The following SBF2 variants were observed in gnomAD, a reference collection of about 807,000 sequenced individuals.
The protein encoded by SBF2 is myotubularin-related protein 13.
A neutral mutation model predicts 225.2 loss-of-function variants in SBF2; 112 were observed. The observed-to-expected ratio is 0.50, with a 90% CI of 0.43 to 0.58. The LOEUF is 0.58. Ranked by LOEUF, SBF2 falls within the 20% of genes least tolerant of loss-of-function variation. The pLI, the probability that SBF2 is intolerant of heterozygous loss-of-function variation, is 0.00. For missense variants in SBF2, 1,996 were observed against 2,206.2 expected (o/e 0.90, Z 1.91); for synonymous variants, 763 against 773.3 (o/e 0.99, Z 0.22).
chr11:10,301,815 G>A (rs192688451), intron 1 of SBF2, among the ~76,000 whole-genome samples: 1 of 152,302 alleles, frequency 6.6e-6, no homozygotes, highest in Non-Finnish European at 1.5e-5. Flanking sequence ...CAATTGGAAT[G>A]TGAAGAAGTT....
intron 24 of SBF2, among the ~76,000 whole-genome samples, chr11:9,845,220 C>G (rs1429784870): frequency 1.3e-5 from 2 of 152,138 alleles, no homozygotes; most frequent in African/African-American, 4.8e-5. Flanking sequence ...AAAAGCAAAT[C>G]TGTCCACTGG....
intron 28 of SBF2, chr11:9,828,283 C>A: frequency 3.2e-6 from 4 of 1,264,062 alleles, no homozygotes; most frequent in Non-Finnish European, 4.1e-6. Flanking sequence ...ACTCAAATGA[C>A]AAAAAGTTAT....
At chr11:9,921,696 TTG>T (rs1863644480) in intron 16 of SBF2, among the ~76,000 whole-genome samples, 1 of 149,082 alleles carries the variant, frequency 6.7e-6, no homozygotes, top group African/African-American at 2.5e-5. Flanking sequence ...GGAAATATGC[TTG>T]TGTTACTTAC....
intron 9 of SBF2, among the ~76,000 whole-genome samples, chr11:9,994,243 G>A (rs1162606220): frequency 5.9e-5 from 9 of 151,564 alleles, no homozygotes; most frequent in Non-Finnish European, 7.4e-5. Context: ...GGGAGGCTGA[G>A]GCAGGCAGAT....
chr11:9,972,558 G>A (rs930070650), intron 13 of SBF2, among the ~76,000 whole-genome samples: 2 of 152,194 alleles, frequency 1.3e-5, no homozygotes, highest in African/African-American at 4.8e-5. Context: ...TCTGCTCGCT[G>A]CAACCTCTGC....
intron 2 of SBF2, among the ~76,000 whole-genome samples, chr11:10,131,242 TA>T (rs1217706310): frequency 5.9e-4 from 88 of 149,908 alleles, no homozygotes; most frequent in African/African-American, 2.1e-3. Context: ...TTTTTTTTTT[TA>T]AAGATAGGGT....
intron 16 of SBF2, among the ~76,000 whole-genome samples, chr11:9,943,314 T>C (rs1435108139): frequency 6.6e-6 from 1 of 152,152 alleles, no homozygotes; most frequent in Non-Finnish European, 1.5e-5. Context: ...TATGGCCTCA[T>C]GATAGTGAAG....
chr11:10,273,481 T>TCTAAAGGTTA (rs1189995712), intron 1 of SBF2, among the ~76,000 whole-genome samples: 2 of 152,240 alleles, frequency 1.3e-5, no homozygotes, highest in African/African-American at 4.8e-5. Context: ...AAAGAACTTA[T>TCTAAAGGTTA]TTTTCTTTTA....
intron 3 of SBF2, among the ~76,000 whole-genome samples, chr11:10,039,139 C>T (rs1234013444): frequency 6.6e-6 from 1 of 151,716 alleles, no homozygotes; most frequent in Non-Finnish European, 1.5e-5. Context: ...GGTGTATGTC[C>T]CTAAGTTCCC....
intron 2 of SBF2, among the ~76,000 whole-genome samples, chr11:10,088,650 C>T (rs11042619): frequency 0.02 from 2,997 of 152,212 alleles, 78 homozygotes; most frequent in African/African-American, 0.06. Flanking sequence ...ACAACCAGCT[C>T]TTGCTGGAAC....
intron 2 of SBF2, among the ~76,000 whole-genome samples, chr11:10,180,457 T>C (rs1956693184): frequency 1.3e-5 from 2 of 152,116 alleles, no homozygotes; most frequent in Admixed American, 1.3e-4. Flanking sequence ...TAGAGCTCTA[T>C]TGTATGTTAT....
chr11:9,831,927 G>T (rs1182687916), intron 27 of SBF2, among the ~76,000 whole-genome samples: 1 of 152,182 alleles, frequency 6.6e-6, no homozygotes, highest in Non-Finnish European at 1.5e-5. Flanking sequence ...GTTTCCATCT[G>T]TGAATACTCT....
chr11:10,210,374 G>A (rs1250451812), intron 1 of SBF2, among the ~76,000 whole-genome samples: 1 of 151,342 alleles, frequency 6.6e-6, no homozygotes, highest in Non-Finnish European at 1.5e-5. Context: ...GGAGGGAGAG[G>A]AGGAGGAGGA....
rs192280152 is a variant in SBF2 at position 10,198,964 on chromosome 11, A to G, written c.56-4977T>C. Among the ~76,000 whole-genome samples, 4 of 152,340 alleles carry G rather than the reference A, an allele frequency of 2.6e-5. No individual in the cohort carries two copies. In the East Asian group the frequency reaches 5.8e-4, roughly 22 times the overall value. ...CATCTATCCAAACCACTCAGACTCC[A>G]TATCAGTAATAATGCTGTCTCATTT... On this transcript the variant is annotated intron_variant, in intron 1 of 39. Coordinates refer to ENST00000256190, the MANE Select transcript of SBF2 (RefSeq NM_030962.4).
At chr11:10,033,212 A>G (rs1949323514) in intron 3 of SBF2, among the ~76,000 whole-genome samples, 1 of 152,206 alleles carries the variant, frequency 6.6e-6, no homozygotes, top group African/African-American at 2.4e-5. Context: ...ATTCAAAATG[A>G]CAAAAGAATG....
At chr11:10,171,777 G>T (rs910802892) in intron 2 of SBF2, among the ~76,000 whole-genome samples, 2 of 152,160 alleles carry the variant, frequency 1.3e-5, no homozygotes, top group Non-Finnish European at 2.9e-5. Flanking sequence ...TGGATCCTGG[G>T]CTTTCTTTTG....
rs184117822 is a variant in SBF2, at chr11:9,780,340, C to T, written c.*78G>A. 4 of 1,301,322 alleles carry T rather than the reference C, an allele frequency of 3.1e-6. No individual in the cohort carries two copies. The highest frequency in any genetic ancestry group is 3.3e-6 in the Non-Finnish European group (3 of 912,644). The allele number at this position is 1,301,322 out of a possible 1,614,324, so 80.6% of individuals were successfully genotyped here. ...CTGGGATAACTTGTTGTCAGCTCCT[C>T]AAGGATCCATGCTTCTTTTTCTATC... is the stretch of plus-strand genomic sequence containing the variant. On this transcript the variant is annotated 3_prime_UTR_variant, in exon 40 of 40. Transcript: ENST00000256190.
chr11:10,167,562 T>C (rs1276598622), intron 2 of SBF2, among the ~76,000 whole-genome samples: 4 of 152,126 alleles, frequency 2.6e-5, no homozygotes, highest in Non-Finnish European at 5.9e-5. Flanking sequence ...AGCAACACTG[T>C]GTCTTCTAAA....
intron 36 of SBF2, among the ~76,000 whole-genome samples, chr11:9,786,828 T>C (rs983438329): frequency 1.3e-5 from 2 of 152,210 alleles, no homozygotes; most frequent in African/African-American, 4.8e-5. Context: ...TTGATAAATG[T>C]TTCTTAAATC....
Sources: allele counts gnomAD v4.1 joint callset (sites outside exome capture counted in the v4.1 genomes callset), GRCh38; gene constraint gnomAD v4.1.1; transcripts MANE v1.5; gene names NCBI Gene and HGNC (gene_info 2026-07-23, HGNC 2026-07-21).